PMFBP1: variants seen among roughly 807,000 people sequenced by gnomAD.
PMFBP1 encodes polyamine-modulated factor 1-binding protein 1.
PMFBP1 carries 131 observed loss-of-function variants against 137.8 expected under a neutral mutation model. The ratio of observed to expected loss-of-function variants is 0.95; its 90% CI spans 0.82 to 1.10. The LOEUF (loss-of-function observed/expected upper bound fraction) is 1.10. Ranked by LOEUF, PMFBP1 falls within the 50% of genes least tolerant of loss-of-function variation. The probability of loss-of-function intolerance (pLI) is 0.00; values close to 1 mark genes in which losing one functional copy is unlikely to be tolerated. For synonymous variants in PMFBP1, 490 were observed against 450.4 expected (o/e 1.09, Z -1.11); for missense variants, 1,199 against 1,175.4 (o/e 1.02, Z -0.29).
chr16:72,135,991 G>A (rs2144318645), intron 9 of PMFBP1, among the ~76,000 whole-genome samples: 1 of 152,108 alleles, frequency 6.6e-6, no homozygotes, highest in South Asian at 2.1e-4. Flanking sequence ...CTGGGCTCAA[G>A]AGATCTCCCC....
At chr16:72,137,380 T>C (rs996891672) in intron 7 of PMFBP1, among the ~76,000 whole-genome samples, 1 of 152,232 alleles carries the variant, frequency 6.6e-6, no homozygotes, top group South Asian at 2.1e-4. Context: ...AAGTAGTGAC[T>C]TATAGAAAAT....
the PMFBP1 span, among the ~76,000 whole-genome samples, chr16:72,239,495 C>T: frequency 6.6e-6 from 1 of 152,094 alleles, no homozygotes; most frequent in Non-Finnish European, 1.5e-5. Context: ...CTAGTGTGGG[C>T]CTTTCTTTAA....
intron 12 of PMFBP1, among the ~76,000 whole-genome samples, 160 bp downstream of exon 12, chr16:72,130,053 C>T (rs534675813): frequency 1.3e-5 from 2 of 149,372 alleles, no homozygotes; most frequent in East Asian, 2.0e-4. Flanking sequence ...CAGGGTCTTG[C>T]TATGTTGCCT....
At chr16:72,145,020 A>G (rs2042783667) in intron 5 of PMFBP1, among the ~76,000 whole-genome samples, 1 of 152,234 alleles carries the variant, frequency 6.6e-6, no homozygotes, top group Non-Finnish European at 1.5e-5. Flanking sequence ...TCAGCTCTGC[A>G]CCAAGCGGAC....
chr16:72,217,043 G>C, the PMFBP1 span, among the ~76,000 whole-genome samples: 1 of 152,074 alleles, frequency 6.6e-6, no homozygotes, highest in African/African-American at 2.4e-5. Context: ...GTTTTCCCTG[G>C]GCAGAGATGA....
intron 10 of PMFBP1, among the ~76,000 whole-genome samples, chr16:72,131,792 C>A (rs2042552844): frequency 6.6e-6 from 1 of 152,168 alleles, no homozygotes; most frequent in Non-Finnish European, 1.5e-5. Context: ...GGAAGCCAAG[C>A]TTGGATCTTA....
chr16:72,148,513 G>C (rs985399716), intron 5 of PMFBP1, among the ~76,000 whole-genome samples: 3 of 151,968 alleles, frequency 2.0e-5, no homozygotes, highest in African/African-American at 7.3e-5. Flanking sequence ...AGAACTTAAA[G>C]TAGAATAATA....
chr16:72,125,953 A>G lies in PMFBP1; in HGVS notation c.2253+15T>C, dbSNP rs768444011. 1.9e-6 allele frequency: 3 copies of G among 1,612,856 alleles called. No homozygotes were observed. In the South Asian group the frequency reaches 3.3e-5, roughly 18 times the overall value. On this transcript the variant is annotated intron_variant, in intron 15 of 20. Coordinates refer to ENST00000237353, the MANE Select transcript of PMFBP1 (RefSeq NM_031293.3). The stretch of plus-strand genomic sequence containing the variant: ...GCCTGAAAACAGCCCTGGAGACTAG[A>G]GGGTGTGGCCTCACCTTCTCGAGGG...
the PMFBP1 span, among the ~76,000 whole-genome samples, chr16:72,187,844 T>G: frequency 1.6e-4 from 25 of 152,234 alleles, no homozygotes; most frequent in African/African-American, 5.8e-4. Context: ...ATTTGGGGAG[T>G]AGCCAATCAG....
chr16:72,178,067 T>C (rs1274998874), upstream of PMFBP1, among the ~76,000 whole-genome samples: 1 of 152,026 alleles, frequency 6.6e-6, no homozygotes. Flanking sequence ...AATTTTTGTA[T>C]TTTTTTGTAG....
chr16:72,152,146 T>G (rs1199370362), intron 4 of PMFBP1, among the ~76,000 whole-genome samples: 1 of 152,200 alleles, frequency 6.6e-6, no homozygotes, highest in Non-Finnish European at 1.5e-5. Context: ...TTTATATCCT[T>G]GTCTTAGGGT....
rs1303912544 is a variant in PMFBP1, at chr16:72,136,705, T to G, written c.1033A>C (p.Asn345His). The change falls in exon 8 of 21, where the codon AAC (asparagine) becomes CAC (histidine). Residue 345 changes from asparagine (N) to histidine (H), a missense_variant. Coordinates refer to ENST00000237353, the MANE Select transcript of PMFBP1 (RefSeq NM_031293.3). ...ELEAVSEQKR[N>H]IMKDMMKLEL... Reference sequence around the variant, plus strand: ...AGCCCCAGTTTACCCTTCATGATGTTTCTCTTCTGTTCCGACACGGCCTCT... The same window carrying G: ...AGCCCCAGTTTACCCTTCATGATGTGTCTCTTCTGTTCCGACACGGCCTCT... The G allele has an allele frequency of 1.2e-6, 2 of 1,614,154 alleles. No individual in the cohort carries two copies. Among genetic ancestry groups the G allele is most frequent in the Non-Finnish European group, 1.7e-6 (2 of 1,180,020 alleles).
chr16:72,227,334 C>T, the PMFBP1 span, among the ~76,000 whole-genome samples: 21 of 152,312 alleles, frequency 1.4e-4, no homozygotes, highest in Non-Finnish European at 2.4e-4. Flanking sequence ...TGACTGATGA[C>T]AGCAATTCAC....
chr16:72,184,201 A>G, the PMFBP1 span, among the ~76,000 whole-genome samples: 59 of 150,848 alleles, frequency 3.9e-4, no homozygotes, highest in Middle Eastern at 3.4e-3. Context: ...CCCCATTCTC[A>G]CTCTACATCC....
At chr16:72,184,561 T>C in the PMFBP1 span, among the ~76,000 whole-genome samples, 9 of 152,354 alleles carry the variant, frequency 5.9e-5, no homozygotes, top group African/African-American at 7.2e-5. Flanking sequence ...GTTATTTTTA[T>C]TGTAAATGAG....
chr16:72,239,810 C>T, the PMFBP1 span, among the ~76,000 whole-genome samples: 1 of 145,648 alleles, frequency 6.9e-6, no homozygotes, highest in Admixed American at 7.2e-5. Context: ...CGCTTAAACC[C>T]AGGAGGCGGA....
At chr16:72,170,893 A>G (rs2043211230) in intron 2 of PMFBP1, among the ~76,000 whole-genome samples, 2 of 152,170 alleles carry the variant, frequency 1.3e-5, no homozygotes, top group Admixed American at 1.3e-4. Flanking sequence ...GGAATAGGTG[A>G]TCATCATTCA....
the PMFBP1 span, among the ~76,000 whole-genome samples, chr16:72,209,489 T>C: frequency 4.6e-5 from 7 of 152,016 alleles, no homozygotes; most frequent in African/African-American, 1.4e-4. Context: ...TATCTGTATA[T>C]ATTATCCATG....
chr16:72,209,200 G>A, the PMFBP1 span, among the ~76,000 whole-genome samples: 1 of 152,316 alleles, frequency 6.6e-6, no homozygotes, highest in East Asian at 1.9e-4. Flanking sequence ...TGTCCAGAAA[G>A]CGACATGCAC....
Sources: allele counts gnomAD v4.1 joint callset (sites outside exome capture counted in the v4.1 genomes callset), GRCh38; gene constraint gnomAD v4.1.1; transcripts MANE v1.5; gene names NCBI Gene and HGNC (gene_info 2026-07-23, HGNC 2026-07-21).